SCFD2: variants seen among roughly 807,000 people sequenced by gnomAD.
The protein encoded by SCFD2 is sec1 family domain containing 2, also known as sec1 family domain-containing protein 2.
SCFD2 carries 54 observed loss-of-function variants against 58.9 expected under a neutral mutation model. The observed-to-expected ratio is 0.92, with a 90% confidence interval of 0.74 to 1.15. The LOEUF (loss-of-function observed/expected upper bound fraction) is 1.15, where lower values mean the gene tolerates loss of function less well. Among genes scored for constraint, SCFD2 ranks in the 50% most tolerant of loss-of-function variants. The pLI is 0.00. For missense variants in SCFD2, 805 were observed against 836.6 expected, an observed-to-expected ratio of 0.96 and a Z score of 0.47; for synonymous variants, 321 against 335.9, an observed-to-expected ratio of 0.96 and a Z score of 0.49.
intron 8 of SCFD2, among the ~76,000 whole-genome samples, chr4:52,878,126 C>G (rs769304372): frequency 7.2e-5 from 11 of 152,200 alleles, no homozygotes; most frequent in Non-Finnish European, 1.5e-4. Flanking sequence ...GAGTGTGTCC[C>G]CCTGGCTGTT....
chr4:52,955,190 G>T (rs1720682654), intron 5 of SCFD2, among the ~76,000 whole-genome samples: 1 of 152,156 alleles, frequency 6.6e-6, no homozygotes, highest in Non-Finnish European at 1.5e-5. Flanking sequence ...CTTTATGCTT[G>T]CATTGGACAG....
At chr4:53,094,190 T>G (rs1370137825) in intron 5 of SCFD2, among the ~76,000 whole-genome samples, 1 of 152,146 alleles carries the variant, frequency 6.6e-6, no homozygotes, top group African/African-American at 2.4e-5. Flanking sequence ...ATCTTTCCAC[T>G]GTGCATCACA....
intron 6 of SCFD2, among the ~76,000 whole-genome samples, chr4:52,913,409 C>T (rs956105108): frequency 1.1e-4 from 16 of 152,124 alleles, no homozygotes; most frequent in East Asian, 3.8e-4. Flanking sequence ...TTGTGAACTG[C>T]GCATGTGAGG....
intron 2 of SCFD2, among the ~76,000 whole-genome samples, chr4:53,347,821 C>T (rs1351856777): frequency 6.6e-6 from 1 of 152,174 alleles, no homozygotes; most frequent in South Asian, 2.1e-4. Flanking sequence ...CACCAAAAGG[C>T]ATACAGAGAG....
At chr4:53,268,586 C>A (rs1400501388) in intron 4 of SCFD2, among the ~76,000 whole-genome samples, 1 of 152,096 alleles carries the variant, frequency 6.6e-6, no homozygotes, top group African/African-American at 2.4e-5. Flanking sequence ...TCAGAGCCTG[C>A]AGAATGAGGA....
At chr4:53,207,491 T>TATATACACACACACACATAA (rs1423322157) in intron 4 of SCFD2, among the ~76,000 whole-genome samples, 20 of 21,784 alleles carry the variant, frequency 9.2e-4, no homozygotes, top group Middle Eastern at 0.028. Context: ...TATATATATA[T>TATATACACACACACACATAA]TTCATATATA....
intron 5 of SCFD2, among the ~76,000 whole-genome samples, chr4:53,005,451 A>G (rs767884965): frequency 6.6e-6 from 1 of 152,034 alleles, no homozygotes; most frequent in Non-Finnish European, 1.5e-5. Flanking sequence ...ACCCTCAACC[A>G]CTTCCACTTT....
intron 3 of SCFD2, among the ~76,000 whole-genome samples, chr4:53,302,131 G>A (rs1230443309): frequency 1.3e-5 from 2 of 152,078 alleles, no homozygotes; most frequent in Non-Finnish European, 2.9e-5. Context: ...GAAATAAAGG[G>A]CATTCAATTA....
At chr4:53,350,677 A>T (rs1297550197) in intron 2 of SCFD2, among the ~76,000 whole-genome samples, 1 of 152,202 alleles carries the variant, frequency 6.6e-6, no homozygotes, top group East Asian at 1.9e-4. Context: ...TCACATAGAT[A>T]GCATAGAAGT....
At position 53,095,273 on chromosome 4, in the gene SCFD2, G is replaced by A. The variant is rs536234084; in HGVS notation, c.1561+50060C>T. ...AACTTATGTTCTTCCCTTAAAAACC[G>A]GCTCACACATAGCCTCCCCTATTCC... On this transcript the variant is annotated intron_variant, in intron 5 of 8. Coordinates refer to ENST00000401642, the MANE Select transcript of SCFD2 (RefSeq NM_152540.4). Among the ~76,000 whole-genome samples, 157 of 152,062 alleles carry A rather than the reference G, an allele frequency of 1.0e-3. 1 individual carries two copies. The highest frequency in any genetic ancestry group is 3.6e-3 in the African/African-American group (149 of 41,504).
chr4:53,274,518 C>T (rs114522320), intron 3 of SCFD2, among the ~76,000 whole-genome samples: 403 of 152,150 alleles, frequency 2.6e-3, no homozygotes, highest in African/African-American at 9.3e-3. Context: ...TTACATGGAA[C>T]AAAAATGTAT....
In SCFD2 at chr4:53,099,732, A is replaced by G. The variant is rs1035025650; in HGVS notation, c.1561+45601T>C. Among the ~76,000 whole-genome samples the G allele has an allele frequency of 3.3e-5, 5 of 152,314 alleles. 1 individual carries two copies. The highest frequency in any genetic ancestry group is 3.9e-4 in the East Asian group (2 of 5,184). The stretch of plus-strand genomic sequence containing the variant: ...CTCCCCCTACCCACTTAGGGAGGGC[A>G]TTAGTCTTATTCATGAGGTATCTGT... On this transcript the variant is annotated intron_variant, in intron 5 of 8. Coordinates refer to ENST00000401642, the MANE Select transcript of SCFD2 (RefSeq NM_152540.4).
At chr4:53,250,150 C>A (rs1212768805) in intron 4 of SCFD2, among the ~76,000 whole-genome samples, 2 of 152,078 alleles carry the variant, frequency 1.3e-5, no homozygotes, top group Non-Finnish European at 2.9e-5. Context: ...GGGTTGCAAC[C>A]CTAGTCTCGG....
chr4:52,941,599 C>T (rs1392847602), intron 5 of SCFD2, among the ~76,000 whole-genome samples: 1 of 152,236 alleles, frequency 6.6e-6, no homozygotes. Context: ...AAGCCAGACA[C>T]TCACTCCGGT....
chr4:52,967,728 T>C (rs1720993017), intron 5 of SCFD2, among the ~76,000 whole-genome samples: 1 of 152,200 alleles, frequency 6.6e-6, no homozygotes, highest in Non-Finnish European at 1.5e-5. Context: ...CCCATTGCCC[T>C]GTTTGCTGGT....
At chr4:53,140,392 A>AATATATATATATATATATATAT (rs1553880149) in intron 5 of SCFD2, among the ~76,000 whole-genome samples, 7 of 97,496 alleles carry the variant, frequency 7.2e-5, no homozygotes, top group African/African-American at 2.1e-4. Context: ...CAAAAATGCT[A>AATATATATATATATATATATAT]ATATATATAT....
intron 4 of SCFD2, among the ~76,000 whole-genome samples, chr4:53,149,347 A>G (rs535883313): frequency 6.6e-6 from 1 of 152,256 alleles, no homozygotes; most frequent in Non-Finnish European, 1.5e-5. Flanking sequence ...CACAAGCCAA[A>G]TGTAAGACTT....
At chr4:52,986,561 C>A (rs1304052713) in intron 5 of SCFD2, among the ~76,000 whole-genome samples, 1 of 130,982 alleles carries the variant, frequency 7.6e-6, no homozygotes, top group Non-Finnish European at 1.5e-5. Context: ...TGCAGTGGTG[C>A]GATCTTGGCT....
chr4:53,084,854 T>C (rs191840939), intron 5 of SCFD2, among the ~76,000 whole-genome samples: 133 of 152,348 alleles, frequency 8.7e-4, no homozygotes, highest in African/African-American at 3.0e-3. Context: ...CATGATAAGA[T>C]ACCTTAAAAA....
Sources: gnomAD v4.1 joint callset for allele counts (sites outside exome capture counted in the v4.1 genomes callset) on GRCh38, gnomAD v4.1.1 for gene constraint, MANE v1.5 for transcripts, NCBI Gene and HGNC (gene_info 2026-07-23, HGNC 2026-07-21) for gene names.